Variants in MFRP observed in about 807,000 individuals in gnomAD.
MFRP encodes the protein membrane frizzled-related protein.
In MFRP, 74 loss-of-function variants were observed where a neutral mutation model predicts 65.8. The observed-to-expected ratio is 1.12, with a 90% CI of 0.93 to 1.36. The LOEUF is 1.36. Ranked by LOEUF, MFRP falls within the 40% of genes most tolerant of loss-of-function variation. The pLI, the probability that MFRP is intolerant of heterozygous loss-of-function variation, is 0.00. For synonymous variants in MFRP, 336 were observed against 288.3 expected, an observed-to-expected ratio of 1.17 and a Z score of -1.68; for missense variants, 838 against 736.0, an observed-to-expected ratio of 1.14 and a Z score of -1.60.
chr11:119,339,341 A>G lies in MFRP; in HGVS notation c.*1618T>C, dbSNP rs1385544392. The G allele has an allele frequency of 6.2e-7, 1 of 1,612,846 alleles. No individual in the cohort carries two copies. ...ACTTTGCAGTGGGCACTAAGCAAAGACTGGGGAGCTGTGCCAGTCGGAGTA... is the reference window on the plus strand; with the variant it reads ...ACTTTGCAGTGGGCACTAAGCAAAGGCTGGGGAGCTGTGCCAGTCGGAGTA... On this transcript the variant is annotated 3_prime_UTR_variant, in exon 15 of 15. Transcript: ENST00000619721. This position sits in a 1 kb window ranked among gnomAD's most constrained non-coding sequence, Gnocchi z 5.4.
In MFRP at chr11:119,341,263, AAGC is replaced by A. The variant is rs1950500000; in HGVS notation, c.*282_*284del. 6.1e-6 allele frequency: 3 copies of A among 493,900 alleles called. No individual in the cohort carries two copies. Among genetic ancestry groups the A allele is most frequent in the African/African-American group, 5.8e-5 (3 of 52,168 alleles). The allele number at this position is 493,900 out of a possible 1,614,324, so 30.6% of individuals were successfully genotyped here. ...AAGGCAGGCGATGGAGAAGCTGAAA[AAGC>A]AGATGGAAAGGGGAAGAGGCCTGGA... On this transcript the variant is annotated 3_prime_UTR_variant, in exon 13 of 15. Coordinates refer to ENST00000619721, the MANE Select transcript of MFRP (RefSeq NM_031433.4).
rs1950545280 is a variant in MFRP, at chr11:119,344,981, G to T, written c.665C>A (p.Pro222His). 2 of 1,607,184 alleles carry T rather than the reference G, an allele frequency of 1.2e-6. No homozygotes were observed. The highest frequency in any genetic ancestry group is 1.7e-6 in the Non-Finnish European group (2 of 1,177,774). ...GTGGCTGGCATTGGTGTTGAGCGTGGGGGGAGGCACCCTTCCACAAACCCT... is the reference window on the plus strand; with the variant it reads ...GTGGCTGGCATTGGTGTTGAGCGTGTGGGGAGGCACCCTTCCACAAACCCT... The part of the protein sequence containing the change: ...LLRVCGRVPP[P>H]TLNTNASHLL... Residue 222 changes from proline to histidine, a missense_variant, in exon 6 of 15, where the codon CCC becomes CAC. Physicochemically the swap from Pro to His is moderately conservative, Grantham distance 77. Transcript: ENST00000619721.
intron 8 of MFRP, 38 bp from the exon 9 acceptor site, chr11:119,344,002 TCTC>T: frequency 6.2e-7 from 1 of 1,608,228 alleles, no homozygotes; most frequent in Non-Finnish European, 8.5e-7. Context: ...CATGGCCCCT[TCTC>T]CTGTCTCATC....
rs368962202 is a variant in MFRP, at chr11:119,339,648, C to T, written c.*1311G>A. On this transcript the variant is annotated 3_prime_UTR_variant, in exon 15 of 15. Transcript: ENST00000619721. The surrounding 1 kb of genome is among the most constrained non-coding windows in gnomAD (Gnocchi z 5.4). Reference sequence around the variant, plus strand: ...ACCTGGCAGGTGAACTTGCCGGTGACGGCGTCGTAATGTCCCTGCTCGTTC... The same window carrying T: ...ACCTGGCAGGTGAACTTGCCGGTGATGGCGTCGTAATGTCCCTGCTCGTTC... 47 of 1,612,468 alleles carry T rather than the reference C, an allele frequency of 2.9e-5. 1 individual carries two copies. In the Middle Eastern group the frequency reaches 5.0e-4, roughly 17 times the overall value.
rs765574187 is a variant in MFRP, at chr11:119,339,325, T to C, written c.*1634A>G. The stretch of plus-strand genomic sequence containing the variant: ...GTGAGAGCATGAGCTCACTTTGCAG[T>C]GGGCACTAAGCAAAGACTGGGGAGC... On this transcript the variant is annotated 3_prime_UTR_variant, in exon 15 of 15. Transcript: ENST00000619721. This position sits in a 1 kb window ranked among gnomAD's most constrained non-coding sequence, Gnocchi z 5.4. 3 of 1,611,328 alleles carry C rather than the reference T, an allele frequency of 1.9e-6. No individual in the cohort carries two copies. The highest frequency in any genetic ancestry group is 2.2e-5 in the East Asian group (1 of 44,792).
chr11:119,345,062 G>A (rs1950546677), intron 5 of MFRP, 58 bp from the exon 6 acceptor site: 1 of 1,573,234 alleles, frequency 6.4e-7, no homozygotes, highest in Non-Finnish European at 8.6e-7. Context: ...AGCCAGAGAG[G>A]AGCTTGCCTG....
Position 119,341,548 on chromosome 11 carries a change from TCAGGGCTGGG to T in MFRP, c.1730_1739del (p.Ala577AspfsTer150). ...AAGAGGGCAGGGGCCGGCTTCAGGG[TCAGGGCTGGG>T]CACAAGCTTCCAGGTCAGCTGCCTC... On this transcript the variant is annotated frameshift_variant and stop_lost, in exon 13 of 15. Transcript: ENST00000619721. LOFTEE classifies it high-confidence loss of function. 1 of 1,611,884 alleles carries T rather than the reference TCAGGGCTGGG, an allele frequency of 6.2e-7. No individual in the cohort carries two copies. The highest frequency in any genetic ancestry group is 8.5e-7 in the Non-Finnish European group (1 of 1,179,520).
chr11:119,344,444 A>T, intron 7 of MFRP, 53 bp from the exon 8 acceptor site: 1 of 1,577,588 alleles, frequency 6.3e-7, no homozygotes, highest in South Asian at 1.1e-5. Context: ...GCCTCCATCC[A>T]ATAGGGCTGG....
In MFRP at chr11:119,343,860, C is replaced by A; in HGVS notation, c.1080G>T (p.Glu360Asp). 6.2e-7 allele frequency: 1 copy of A among 1,613,998 alleles called. No homozygotes were observed. The highest frequency in any genetic ancestry group is 8.5e-7 in the Non-Finnish European group (1 of 1,180,008). ...AQDECKFDYVEVYETSSSGAF... is the reference protein window; with the variant it reads ...AQDECKFDYVDVYETSSSGAF... ...CCCCTGAGCTGCTGGTCTCATACAC[C>A]TCCACGTAGTCAAACTTGCACTCGT... The change falls in exon 9 of 15, where the codon GAG (glutamate) becomes GAT (aspartate). Residue 360 changes from glutamate (E) to aspartate (D), a missense_variant. Transcript: ENST00000619721.
rs1187232121 is a variant in MFRP at position 119,345,412 on chromosome 11, G to A, written c.641+8C>T. ...ACGGTGGGATGTCCTGGGGACAGAG[G>A]GACCTACCTGAGGAGGGGGCCTTCA... On this transcript the variant is annotated splice_region_variant and intron_variant, in intron 5 of 14. Coordinates refer to ENST00000619721, the MANE Select transcript of MFRP (RefSeq NM_031433.4). 9 of 1,613,340 alleles carry A rather than the reference G, an allele frequency of 5.6e-6. No homozygotes were observed. The highest frequency in any genetic ancestry group is 3.3e-5 in the Admixed American group (2 of 59,998).
In MFRP at chr11:119,339,485, C is replaced by T; in HGVS notation, c.*1474G>A. 1 of 1,613,340 alleles carries T rather than the reference C, an allele frequency of 6.2e-7. No individual in the cohort carries two copies. Among genetic ancestry groups the T allele is most frequent in the Non-Finnish European group, 8.5e-7 (1 of 1,179,818 alleles). ...AGGCTCCAGCCTCACCATGGCCCCC[C>T]CCGAGAGCGAGGCTGGCTTGGGCCA... is the stretch of plus-strand genomic sequence containing the variant. On this transcript the variant is annotated 3_prime_UTR_variant, in exon 15 of 15. Coordinates refer to ENST00000619721, the MANE Select transcript of MFRP (RefSeq NM_031433.4). The surrounding 1 kb of genome is among the most constrained non-coding windows in gnomAD (Gnocchi z 5.4).
At position 119,341,710 on chromosome 11, in the gene MFRP, G is replaced by C. The variant is rs1036542163; in HGVS notation, c.1578C>G (p.Pro526=). 2 of 1,613,068 alleles carry C rather than the reference G, an allele frequency of 1.2e-6. No individual in the cohort carries two copies. Among genetic ancestry groups the C allele is most frequent in the Non-Finnish European group, 1.7e-6 (2 of 1,180,028 alleles). The change falls in exon 13 of 15, where the codon CCC becomes CCG. Residue 526 remains proline, a synonymous_variant. Transcript: ENST00000619721. ...FRRLLCGLLV[P]RCTPLGSVLP... ...GAACACTGCCTAGTGGGGTGCAACG[G>C]GGCACAAGCAGCCCACACAGGAGCC... is the stretch of plus-strand genomic sequence containing the variant.
chr11:119,344,664 C>T lies in MFRP; in HGVS notation c.866G>A (p.Ser289Asn), dbSNP rs1265591939. The change falls in exon 7 of 15, where the codon AGT becomes AAT. Residue 289 changes from serine to asparagine, a missense_variant. By Grantham distance (46) the Ser-to-Asn change is conservative. Transcript: ENST00000619721. ...CDGFANCADG[S>N]DETNCSAKFS... ...CTTGGCACTGCAATTGGTCTCATCACTGCCGTCAGCACAGTTGGCAAAACC... is the reference window on the plus strand; with the variant it reads ...CTTGGCACTGCAATTGGTCTCATCATTGCCGTCAGCACAGTTGGCAAAACC... The T allele has an allele frequency of 9.3e-6, 15 of 1,613,978 alleles. No individual in the cohort carries two copies. Among genetic ancestry groups the T allele is most frequent in the Middle Eastern group, 1.6e-4 (1 of 6,084 alleles).
At chr11:119,345,727 C>G in intron 4 of MFRP, 46 bp downstream of exon 4, 37 of 1,613,164 alleles carry the variant, frequency 2.3e-5, no homozygotes, top group Non-Finnish European at 3.1e-5. Flanking sequence ...AACCCCACCC[C>G]GTCATCTTGG....
In MFRP at chr11:119,340,405, G is replaced by A; in HGVS notation, c.*889C>T. On this transcript the variant is annotated 3_prime_UTR_variant, in exon 14 of 15. Coordinates refer to ENST00000619721, the MANE Select transcript of MFRP (RefSeq NM_031433.4). ...GACGAGGAGTGGCCTCATAGCGCTG[G>A]CACCGGGAGCCCGGACGCCGGGGTC... The A allele has an allele frequency of 6.5e-7, 1 of 1,543,538 alleles. No individual in the cohort carries two copies. Among genetic ancestry groups the A allele is most frequent in the Non-Finnish European group, 8.7e-7 (1 of 1,145,982 alleles).
Position 119,339,778 on chromosome 11 carries a change from G to A in MFRP, c.*1181C>T. The A allele has an allele frequency of 6.5e-7, 1 of 1,542,298 alleles. No homozygotes were observed. Among genetic ancestry groups the A allele is most frequent in the Non-Finnish European group, 8.7e-7 (1 of 1,150,852 alleles). Reference sequence around the variant, plus strand: ...ATCGCGGAGGCACCGAGCACTCCCCGGCAGGCCCGGTGGGCCCCGCGGGTC... The same window carrying A: ...ATCGCGGAGGCACCGAGCACTCCCCAGCAGGCCCGGTGGGCCCCGCGGGTC... On this transcript the variant is annotated 3_prime_UTR_variant, in exon 15 of 15. Transcript: ENST00000619721. This position sits in a 1 kb window ranked among gnomAD's most constrained non-coding sequence, Gnocchi z 5.4.
chr11:119,342,333 C>G (rs796710286), intron 11 of MFRP, among the ~76,000 whole-genome samples: 5 of 152,318 alleles, frequency 3.3e-5, no homozygotes, highest in African/African-American at 1.2e-4. Context: ...GAAAGGGGCT[C>G]TGGGTGACAG....
rs2135365364 is a variant in MFRP at position 119,340,226 on chromosome 11, C to T, written c.*1068G>A. ...CCTTTCTCTCCCGGAGCCCCGGGCG[C>T]GCCGTCGCGGCCGTCGCGGCCATCG... is the stretch of plus-strand genomic sequence containing the variant. On this transcript the variant is annotated 3_prime_UTR_variant, in exon 14 of 15. Transcript: ENST00000619721. 2 of 1,513,612 alleles carry T rather than the reference C, an allele frequency of 1.3e-6. No individual in the cohort carries two copies. The highest frequency in any genetic ancestry group is 1.5e-5 in the African/African-American group (1 of 68,844). The allele number at this position is 1,513,612 out of a possible 1,614,324, so 93.8% of individuals were successfully genotyped here. A position where few individuals can be genotyped will look rare whatever the true frequency, so the allele number is the denominator to read the frequency against.
chr11:119,345,319 A>G (rs1950550717), intron 5 of MFRP, 101 bp downstream of exon 5: 5 of 1,264,060 alleles, frequency 4.0e-6, no homozygotes, highest in South Asian at 2.5e-5. Flanking sequence ...TAGTCTCTCA[A>G]TTTCTTCCTC....
Sources: allele counts gnomAD v4.1 joint callset (sites outside exome capture counted in the v4.1 genomes callset), GRCh38; gene constraint gnomAD v4.1.1; non-coding constraint Gnocchi (gnomAD v3.1); transcripts MANE v1.5; gene names NCBI Gene and HGNC (gene_info 2026-07-23, HGNC 2026-07-21).